GRM3: variants seen among roughly 807,000 people sequenced by gnomAD.
GRM3 encodes glutamate metabotropic receptor 3, also known as metabotropic glutamate receptor 3.
Under a neutral mutation model 70.5 loss-of-function variants are expected in GRM3, and 26 were observed. The ratio of observed to expected loss-of-function variants is 0.37; its 90% CI spans 0.27 to 0.51. The LOEUF is 0.51. GRM3 is among the 20% of genes least tolerant of loss of function. The probability of loss-of-function intolerance (pLI) is 0.93; values close to 1 mark genes in which losing one functional copy is unlikely to be tolerated. For missense variants in GRM3, 859 were observed against 1,123.8 expected, an observed-to-expected ratio of 0.76 and a Z score of 3.37; for synonymous variants, 443 against 434.9, an observed-to-expected ratio of 1.02 and a Z score of -0.23.
At chr7:86,746,241 G>C (rs2116339925) in intron 1 of GRM3, among the ~76,000 whole-genome samples, 1 of 149,862 alleles carries the variant, frequency 6.7e-6, no homozygotes, top group African/African-American at 2.5e-5. Flanking sequence ...AGGGAGGATG[G>C]GTAATGGAAA....
At chr7:86,671,527 C>CA (rs1189826395) in intron 1 of GRM3, among the ~76,000 whole-genome samples, 1 of 152,206 alleles carries the variant, frequency 6.6e-6, no homozygotes, top group Non-Finnish European at 1.5e-5. Context: ...ACAAGCTACT[C>CA]ATGAGTAGGC....
At chr7:86,754,456 A>G (rs2116372848) in intron 1 of GRM3, among the ~76,000 whole-genome samples, 1 of 152,258 alleles carries the variant, frequency 6.6e-6, no homozygotes, top group Middle Eastern at 3.4e-3. Context: ...ATAATAGCAT[A>G]AAGAAAAGAT....
chr7:86,840,227 C>T lies in GRM3; in HGVS notation c.2391+322C>T, dbSNP rs184877255. ...TTAATTAAACTTAAAAAGCGATTGA[C>T]AATAGAATAAGACATAAACTAAGAA... On this transcript the variant is annotated intron_variant, in intron 4 of 5. Coordinates refer to ENST00000361669, the MANE Select transcript of GRM3 (RefSeq NM_000840.3). Among the ~76,000 whole-genome samples the T allele has an allele frequency of 2.2e-4, 34 of 152,102 alleles. No homozygotes were observed. The East Asian group carries it at 5.6e-3, about 25-fold the overall frequency.
At chr7:86,700,899 AC>A (rs1794933178) in intron 1 of GRM3, among the ~76,000 whole-genome samples, 1 of 151,948 alleles carries the variant, frequency 6.6e-6, no homozygotes, top group Admixed American at 6.6e-5. Flanking sequence ...CCATTAACTT[AC>A]CCTCTACTAA....
intron 2 of GRM3, among the ~76,000 whole-genome samples, chr7:86,777,418 G>T (rs1796921277): frequency 6.6e-6 from 1 of 152,120 alleles, no homozygotes. Context: ...CCTTTGTTTG[G>T]AATGTCCATG....
At position 86,829,612 on chromosome 7, in the gene GRM3, G is replaced by A. The variant is rs969473733; in HGVS notation, c.1325-9227G>A. 3.9e-5 allele frequency among the ~76,000 whole-genome samples: 6 copies of A among 152,176 alleles called. No individual in the cohort carries two copies. In the East Asian group the frequency reaches 1.2e-3, roughly 29 times the overall value. ...TCTCAGGGAATAGGAGGCCTGAGGT[G>A]ATGGAGAGAGATAGGGGAATGGCCA... On this transcript the variant is annotated intron_variant, in intron 3 of 5. Transcript: ENST00000361669.
intron 3 of GRM3, among the ~76,000 whole-genome samples, chr7:86,798,921 C>A (rs1212391752): frequency 2.0e-5 from 3 of 152,134 alleles, no homozygotes. Flanking sequence ...TCATTCACCT[C>A]CTGCCATGAT....
chr7:86,801,153 C>T (rs1009421657), intron 3 of GRM3, among the ~76,000 whole-genome samples: 1 of 146,686 alleles, frequency 6.8e-6, no homozygotes, highest in Admixed American at 7.0e-5. Context: ...TCACTGCAAC[C>T]TCTGCCTCCC....
chr7:86,801,064 CTTTTTTT>C lies in GRM3; in HGVS notation c.1324+13966_1324+13972del, dbSNP rs67046105. ...TATGTTTTACCACGGCAAACTTCTTCTTTTTTTTTTTTTTTTTTTTTTTTGAGACACA... is the reference window on the plus strand; with the variant it reads ...TATGTTTTACCACGGCAAACTTCTTCTTTTTTTTTTTTTTTTTGAGACACA... On this transcript the variant is annotated intron_variant, in intron 3 of 5. Transcript: ENST00000361669. 6.3e-3 allele frequency among the ~76,000 whole-genome samples: 545 copies of C among 86,830 alleles called. 4 individuals are homozygous for C. Among genetic ancestry groups the C allele is most frequent in the African/African-American group, 0.026 (518 of 20,022 alleles). 57.0% of individuals were successfully genotyped at this position (86,830 alleles called of 152,430 possible). A position where few individuals can be genotyped will look rare whatever the true frequency, so the allele number is the denominator to read the frequency against.
chr7:86,688,810 CAT>C (rs931105656), intron 1 of GRM3, among the ~76,000 whole-genome samples: 2 of 145,852 alleles, frequency 1.4e-5, no homozygotes, highest in Non-Finnish European at 3.0e-5. Flanking sequence ...ATCTCTCACA[CAT>C]ATGATATATA....
At position 86,809,011 on chromosome 7, in the gene GRM3, A is replaced by T. The variant is rs565192190; in HGVS notation, c.1324+21895A>T. Among the ~76,000 whole-genome samples the T allele has an allele frequency of 2.6e-5, 4 of 152,210 alleles. No homozygotes were observed. In the East Asian group the frequency reaches 7.7e-4, roughly 29 times the overall value. On this transcript the variant is annotated intron_variant, in intron 3 of 5. Coordinates refer to ENST00000361669, the MANE Select transcript of GRM3 (RefSeq NM_000840.3). ...ATATCAAAGATTTCAAATAGGGAAC[A>T]TTTTTAAATTATGATTATATATCAG... is the stretch of plus-strand genomic sequence containing the variant.
intron 1 of GRM3, among the ~76,000 whole-genome samples, chr7:86,645,991 GTGGGGGTGGGGGGGT>G (rs1793455376): frequency 4.5e-5 from 1 of 22,396 alleles, no homozygotes; most frequent in African/African-American, 1.6e-4. Context: ...GGGCGGGGGG[GTGGGGGTGGGGGGGT>G]GGGGGGGGGT....
intron 1 of GRM3, among the ~76,000 whole-genome samples, chr7:86,665,488 C>CT (rs775792106): frequency 1.3e-5 from 2 of 151,978 alleles, no homozygotes; most frequent in East Asian, 3.8e-4. Flanking sequence ...GCATAAATTT[C>CT]TTTTTCTTTG....
intron 1 of GRM3, among the ~76,000 whole-genome samples, chr7:86,744,765 A>G (rs1414220166): frequency 6.6e-6 from 1 of 152,100 alleles, no homozygotes; most frequent in Non-Finnish European, 1.5e-5. Flanking sequence ...GAAGTCCAGC[A>G]TGGTGGCTAA....
chr7:86,739,746 T>C (rs1383734726), intron 1 of GRM3, among the ~76,000 whole-genome samples: 1 of 152,226 alleles, frequency 6.6e-6, no homozygotes, highest in Non-Finnish European at 1.5e-5. Context: ...CCAAACTGAA[T>C]GCACCTTTTG....
chr7:86,688,379 A>G, intron 1 of GRM3, among the ~76,000 whole-genome samples: 1 of 151,740 alleles, frequency 6.6e-6, no homozygotes. Context: ...GATCTTAAGT[A>G]GAAGTGCAAA....
chr7:86,821,049 G>A (rs1457317130), intron 3 of GRM3, among the ~76,000 whole-genome samples: 2 of 152,136 alleles, frequency 1.3e-5, no homozygotes, highest in Admixed American at 1.3e-4. Context: ...CCCTGTAGCA[G>A]AGGTAATAGT....
chr7:86,790,586 C>T (rs1797385074), intron 3 of GRM3, among the ~76,000 whole-genome samples: 1 of 152,128 alleles, frequency 6.6e-6, no homozygotes, highest in South Asian at 2.1e-4. Context: ...AAGTCAACAG[C>T]CTTACAATGT....
chr7:86,706,261 G>A (rs570506415), intron 1 of GRM3, among the ~76,000 whole-genome samples: 1 of 152,136 alleles, frequency 6.6e-6, no homozygotes, highest in Non-Finnish European at 1.5e-5. Flanking sequence ...AGTAGGGTGA[G>A]TAGAGCCCAT....
Sources: allele counts gnomAD v4.1 joint callset (sites outside exome capture counted in the v4.1 genomes callset), GRCh38; gene constraint gnomAD v4.1.1; transcripts MANE v1.5; gene names NCBI Gene and HGNC (gene_info 2026-07-23, HGNC 2026-07-21).